The following DNM1 variants were observed in gnomAD, a reference collection of about 807,000 sequenced individuals.
The protein encoded by DNM1 is dynamin-1.
DNM1 carries 29 observed loss-of-function variants against 104.6 expected under a neutral mutation model. The ratio of observed to expected loss-of-function variants is 0.28; its 90% CI spans 0.21 to 0.38. The LOEUF is 0.38. DNM1 is among the 10% of genes least tolerant of loss of function. The probability of loss-of-function intolerance (pLI) is 1.00; values close to 1 mark genes in which losing one functional copy is unlikely to be tolerated. For missense variants in DNM1, 640 were observed against 1,189.4 expected (o/e 0.54, Z 6.79); for synonymous variants, 445 against 475.8 (o/e 0.94, Z 0.84).
rs760982623 is a variant in DNM1, at chr9:128,250,264, C to T, written c.2226C>T (p.Ile742=). The change falls in exon 20 of 22, where the codon ATC becomes ATT. Residue 742 remains isoleucine (I), a synonymous_variant. Transcript: ENST00000372923. Reference sequence around the variant, plus strand: ...CACTGAAGGAGGCGCTCAGCATCATCGGCGACATCAACACGACCACCGTCA... The same window carrying T: ...CACTGAAGGAGGCGCTCAGCATCATTGGCGACATCAACACGACCACCGTCA... The part of the protein sequence containing the change: ...YHALKEALSI[I]GDINTTTVST... The T allele has an allele frequency of 2.5e-5, 40 of 1,613,626 alleles. 1 individual carries two copies. The South Asian group carries it at 3.7e-4, about 15-fold the overall frequency.
chr9:128,206,833 T>C (rs981999362), intron 1 of DNM1, among the ~76,000 whole-genome samples: 2 of 151,988 alleles, frequency 1.3e-5, no homozygotes, highest in Non-Finnish European at 2.9e-5. Flanking sequence ...ATTTTCTCTC[T>C]TGTGGGAAGC....
rs1233653216 is a variant in DNM1 at position 128,230,243 on chromosome 9, TA to T, written c.1336-3769del. ...AAAAAAAAAAAAGAAAATTAAAAATTAAAAAAAAAGATGGGATTCACTTGTC... is the reference window on the plus strand; with the variant it reads ...AAAAAAAAAAAAGAAAATTAAAAATTAAAAAAAAGATGGGATTCACTTGTC... On this transcript the variant is annotated intron_variant, in intron 10 of 21. Coordinates refer to ENST00000372923, the MANE Select transcript of DNM1 (RefSeq NM_004408.4). Among the ~76,000 whole-genome samples, 422 of 141,436 alleles carry T rather than the reference TA, an allele frequency of 3.0e-3. 2 individuals are homozygous for T. Among genetic ancestry groups the T allele is most frequent in the African/African-American group, 0.01 (402 of 38,408 alleles). 92.8% of individuals were successfully genotyped at this position (141,436 alleles called of 152,430 possible).
At chr9:128,239,353 T>G (rs1836215283) in intron 11 of DNM1, 92 bp from the exon 12 acceptor site, 2 of 909,526 alleles carry the variant, frequency 2.2e-6, no homozygotes, top group African/African-American at 3.2e-5. Context: ...ACCTCCTATA[T>G]GTGCTGCAAG....
chr9:128,246,305 C>A, intron 15 of DNM1, 89 bp from the exon 16 acceptor site: 1 of 915,170 alleles, frequency 1.1e-6, no homozygotes, highest in South Asian at 1.3e-5. Flanking sequence ...TGCTTAGAAG[C>A]CCTGGGCCAG....
At position 128,250,271 on chromosome 9, in the gene DNM1, A is replaced by G; in HGVS notation, c.2233A>G (p.Ile745Val). The change falls in exon 20 of 22, where the codon ATC becomes GTC. Residue 745 changes from isoleucine (I) to valine (V), a missense_variant. This residue lies in a region of DNM1 where 129 missense variants were observed against 224.6 expected (regional missense o/e 0.57). Coordinates refer to ENST00000372923, the MANE Select transcript of DNM1 (RefSeq NM_004408.4). ...GGAGGCGCTCAGCATCATCGGCGAC[A>G]TCAACACGACCACCGTCAGCACGCC... ...LKEALSIIGDINTTTVSTPMP... is the reference protein window; with the variant it reads ...LKEALSIIGDVNTTTVSTPMP... 1 of 1,613,496 alleles carries G rather than the reference A, an allele frequency of 6.2e-7. No homozygotes were observed. Among genetic ancestry groups the G allele is most frequent in the Non-Finnish European group, 8.5e-7 (1 of 1,179,774 alleles).
intron 1 of DNM1, among the ~76,000 whole-genome samples, chr9:128,213,571 G>A (rs1036515269): frequency 6.6e-6 from 1 of 152,180 alleles, no homozygotes; most frequent in East Asian, 1.9e-4. Flanking sequence ...CTGCTTAATA[G>A]GGAGAAAGAT....
At chr9:128,238,459 G>T (rs1318772558) in intron 11 of DNM1, among the ~76,000 whole-genome samples, 2 of 150,436 alleles carry the variant, frequency 1.3e-5, no homozygotes, top group African/African-American at 2.4e-5. Flanking sequence ...CCTGACCTCA[G>T]GTGATCCGCC....
rs191764646 is a variant in DNM1, at chr9:128,254,965, C to T, written c.*251C>T. ...ATATACACACCTACACATGGCCAAC[C>T]GCCTCGCCTCTAGCGCTGGGAATCA... On this transcript the variant is annotated 3_prime_UTR_variant, in exon 22 of 22. Coordinates refer to ENST00000372923, the MANE Select transcript of DNM1 (RefSeq NM_004408.4). The surrounding 1 kb of genome is among the most constrained non-coding windows in gnomAD (Gnocchi z 6.1). The T allele has an allele frequency of 1.4e-4, 57 of 395,692 alleles. No homozygotes were observed. The highest frequency in any genetic ancestry group is 5.4e-4 in the East Asian group (10 of 18,602). 24.5% of individuals were successfully genotyped at this position (395,692 alleles called of 1,614,324 possible). A position where few individuals can be genotyped will look rare whatever the true frequency, so the allele number is the denominator to read the frequency against.
chr9:128,241,633 C>T (rs1181498767), intron 14 of DNM1, among the ~76,000 whole-genome samples: 3 of 152,108 alleles, frequency 2.0e-5, no homozygotes, highest in Non-Finnish European at 2.9e-5. Flanking sequence ...ATCACACACA[C>T]GCACGTAGAG....
At chr9:128,225,767 G>A (rs913659454) in intron 10 of DNM1, among the ~76,000 whole-genome samples, 3 of 152,046 alleles carry the variant, frequency 2.0e-5, no homozygotes, top group Non-Finnish European at 2.9e-5. Context: ...TTGGTCCCTC[G>A]TACCTCTGGC....
rs142925868 is a variant in DNM1, at chr9:128,243,941, T to TTGTTTGTGTG, written c.1671+1599_1671+1600insTTGTGTGTGT. 7.0e-6 allele frequency among the ~76,000 whole-genome samples: 1 copy of TTGTTTGTGTG among 143,742 alleles called. No homozygotes were observed. The allele number at this position is 143,742 out of a possible 152,430, so 94.3% of individuals were successfully genotyped here. Reference sequence around the variant, plus strand: ...GTGGGTGCTGGGAGGCGGGGTGTGTTTGTGTGTGTGTGTGTGTGTGTGTGT... The same window carrying TTGTTTGTGTG: ...GTGGGTGCTGGGAGGCGGGGTGTGTTTGTTTGTGTGTGTGTGTGTGTGTGTGTGTGTGTGT... On this transcript the variant is annotated intron_variant, in intron 15 of 21. Transcript: ENST00000372923. This position sits in a 1 kb window ranked among gnomAD's most constrained non-coding sequence, Gnocchi z 4.0.
intron 11 of DNM1, among the ~76,000 whole-genome samples, chr9:128,235,142 A>G (rs566950034): frequency 5.9e-5 from 9 of 152,086 alleles, no homozygotes; most frequent in African/African-American, 9.7e-5. Context: ...GTGGAGTCAT[A>G]CAGTATCTGT....
In DNM1 at chr9:128,254,060, T is replaced by TCC; in HGVS notation, c.2535-591_2535-590dup. On this transcript the variant is annotated intron_variant, in intron 21 of 21. Transcript: ENST00000372923. This position sits in a 1 kb window ranked among gnomAD's most constrained non-coding sequence, Gnocchi z 6.1. Reference sequence around the variant, plus strand: ...CTGCAGCCCCCCGACCAGCTGAGGCTCCCCTCTTAGACTTATAAGTCTATG... The same window carrying TCC: ...CTGCAGCCCCCCGACCAGCTGAGGCTCCCCCCTCTTAGACTTATAAGTCTATG... 1 of 1,236,218 alleles carries TCC rather than the reference T, an allele frequency of 8.1e-7. No homozygotes were observed. 76.6% of individuals were successfully genotyped at this position (1,236,218 alleles called of 1,614,324 possible).
intron 10 of DNM1, among the ~76,000 whole-genome samples, chr9:128,230,054 C>G (rs1835582235): frequency 6.6e-6 from 1 of 151,854 alleles, no homozygotes; most frequent in Admixed American, 6.6e-5. Context: ...TCTGTCTCTA[C>G]TAAAAACACA....
rs1444625582 is a variant in DNM1, at chr9:128,255,060, C to G, written c.*346C>G. ...GAACGCTGTCCCCCGACATCCCACTCCAAAGTGTGCCACCTCCAGTGAGCC... is the reference window on the plus strand; with the variant it reads ...GAACGCTGTCCCCCGACATCCCACTGCAAAGTGTGCCACCTCCAGTGAGCC... On this transcript the variant is annotated 3_prime_UTR_variant, in exon 22 of 22. Transcript: ENST00000372923. 20 of 206,580 alleles carry G rather than the reference C, an allele frequency of 9.7e-5. No homozygotes were observed. The East Asian group carries it at 3.1e-3, about 32-fold the overall frequency. 12.8% of individuals were successfully genotyped at this position (206,580 alleles called of 1,614,324 possible). A position where few individuals can be genotyped will look rare whatever the true frequency, so the allele number is the denominator to read the frequency against.
In DNM1 at chr9:128,250,229, A is replaced by G. The variant is rs1333882782; in HGVS notation, c.2191A>G (p.Met731Val). ...ACAGCGGCGCGACGAGATGCTGCGC[A>G]TGTACCACGCACTGAAGGAGGCGCT... ...QAQRRDEMLR[M>V]YHALKEALSI... Residue 731 changes from methionine to valine, a missense_variant, in exon 20 of 22, where the codon ATG (methionine) becomes GTG (valine). This residue lies in a region of DNM1 where 129 missense variants were observed against 224.6 expected (regional missense o/e 0.57). Transcript: ENST00000372923. 1.2e-6 allele frequency: 2 copies of G among 1,614,150 alleles called. No homozygotes were observed. Among genetic ancestry groups the G allele is most frequent in the South Asian group, 2.2e-5 (2 of 91,076 alleles).
chr9:128,248,708 G>A lies in DNM1; in HGVS notation c.2031G>A (p.Val677=), dbSNP rs1441521036. 1.2e-6 allele frequency: 2 copies of A among 1,613,946 alleles called. No homozygotes were observed. Among genetic ancestry groups the A allele is most frequent in the Non-Finnish European group, 1.7e-6 (2 of 1,179,846 alleles). ...DSYMAIVNKT[V]RDLMPKTIMH... is the part of the protein sequence containing the mutation. ...ACATGGCCATTGTCAACAAGACCGTGAGGGACCTCATGCCCAAGACCATCA... is the reference window on the plus strand; with the variant it reads ...ACATGGCCATTGTCAACAAGACCGTAAGGGACCTCATGCCCAAGACCATCA... The change falls in exon 19 of 22, where the codon GTG becomes GTA. Residue 677 remains valine, a synonymous_variant. Coordinates refer to ENST00000372923, the MANE Select transcript of DNM1 (RefSeq NM_004408.4). This position sits in a 1 kb window ranked among gnomAD's most constrained non-coding sequence, Gnocchi z 5.6.
rs201615828 is a variant in DNM1, at chr9:128,246,720, T to C, written c.1781+217T>C. Among the ~76,000 whole-genome samples, 8,771 of 142,968 alleles carry C rather than the reference T, an allele frequency of 0.061. 383 individuals are homozygous for C. The highest frequency in any genetic ancestry group is 0.21 in the East Asian group (928 of 4,446). 93.8% of individuals were successfully genotyped at this position (142,968 alleles called of 152,430 possible). A position where few individuals can be genotyped will look rare whatever the true frequency, so the allele number is the denominator to read the frequency against. Reference sequence around the variant, plus strand: ...CCTTCCCTCCTCCTTCCCTCCCTCTTTTCCTTCCTCCCTTCCTTCCTTCCA... The same window carrying C: ...CCTTCCCTCCTCCTTCCCTCCCTCTCTTCCTTCCTCCCTTCCTTCCTTCCA... On this transcript the variant is annotated intron_variant, in intron 16 of 21. Transcript: ENST00000372923.
At position 128,245,396 on chromosome 9, in the gene DNM1, C is replaced by T. The variant is rs893296951; in HGVS notation, c.1672-998C>T. 2.6e-5 allele frequency among the ~76,000 whole-genome samples: 4 copies of T among 151,922 alleles called. No homozygotes were observed. Among genetic ancestry groups the T allele is most frequent in the Non-Finnish European group, 5.9e-5 (4 of 67,954 alleles). On this transcript the variant is annotated intron_variant, in intron 15 of 21. Transcript: ENST00000372923. This position sits in a 1 kb window ranked among gnomAD's most constrained non-coding sequence, Gnocchi z 5.2. Reference sequence around the variant, plus strand: ...TTTGAGTCCCCGAGGCCCACACAGACGACCCCCGTGAACAAGTAGGGCATG... The same window carrying T: ...TTTGAGTCCCCGAGGCCCACACAGATGACCCCCGTGAACAAGTAGGGCATG...
Sources: gnomAD v4.1 joint callset for allele counts (sites outside exome capture counted in the v4.1 genomes callset) on GRCh38, gnomAD v4.1.1 for gene constraint, gnomAD v4.1.1 regional missense constraint, Gnocchi (gnomAD v3.1) non-coding constraint, MANE v1.5 for transcripts, NCBI Gene and HGNC (gene_info 2026-07-23, HGNC 2026-07-21) for gene names.